The following SMOC1 variants were observed in gnomAD, a reference collection of about 807,000 sequenced individuals.
The protein encoded by SMOC1 is SPARC related modular calcium binding 1, also known as SPARC-related modular calcium-binding protein 1.
SMOC1 carries 22 observed loss-of-function variants against 56.3 expected under a neutral mutation model. The observed-to-expected ratio is 0.39, with a 90% CI of 0.28 to 0.56. The LOEUF is 0.56. Ranked by LOEUF, SMOC1 falls within the 20% of genes least tolerant of loss-of-function variation. The pLI, the probability that SMOC1 is intolerant of heterozygous loss-of-function variation, is 0.61. For missense variants in SMOC1, 509 were observed against 565.4 expected, an observed-to-expected ratio of 0.90 and a Z score of 1.01; for synonymous variants, 193 against 215.0, an observed-to-expected ratio of 0.90 and a Z score of 0.89.
chr14:70,011,398 C>T, intron 8 of SMOC1, 87 bp from the exon 9 acceptor site: 3 of 1,295,548 alleles, frequency 2.3e-6, no homozygotes, highest in Non-Finnish European at 2.2e-6. Flanking sequence ...GGCTTGGTGA[C>T]AACATAGATC....
At chr14:69,994,112 T>G in intron 6 of SMOC1, 1 of 473,232 alleles carries the variant, frequency 2.1e-6, no homozygotes, top group South Asian at 2.3e-5. Flanking sequence ...CCATGTTCCT[T>G]ACCTCCTGGG....
At chr14:69,939,079 G>T (rs188197980) in intron 1 of SMOC1, among the ~76,000 whole-genome samples, 1 of 152,134 alleles carries the variant, frequency 6.6e-6, no homozygotes, top group Admixed American at 6.5e-5. Flanking sequence ...CAAACTCTCC[G>T]TCGGACTCTG....
chr14:70,002,137 A>T (rs12884121), intron 7 of SMOC1, among the ~76,000 whole-genome samples: 3 of 152,066 alleles, frequency 2.0e-5, no homozygotes, highest in African/African-American at 7.2e-5. Context: ...CTGGAGCTGG[A>T]GACAGTTCTT....
chr14:69,882,521 A>G (rs1883671356), intron 1 of SMOC1, among the ~76,000 whole-genome samples: 1 of 152,198 alleles, frequency 6.6e-6, no homozygotes, highest in African/African-American at 2.4e-5. Flanking sequence ...TGTAGGAAGC[A>G]CCTGATTTTG....
intron 1 of SMOC1, among the ~76,000 whole-genome samples, chr14:69,937,922 A>T (rs1882382274): frequency 6.6e-6 from 1 of 152,178 alleles, no homozygotes; most frequent in African/African-American, 2.4e-5. Context: ...TCGATGATAT[A>T]GCAAGACTGG....
At chr14:69,997,966 A>T (rs538727941) in intron 7 of SMOC1, among the ~76,000 whole-genome samples, 17 of 152,170 alleles carry the variant, frequency 1.1e-4, no homozygotes, top group African/African-American at 4.1e-4. Flanking sequence ...AGTTTCTTTT[A>T]CACCCCACAC....
At chr14:69,959,876 C>T (rs1227708834) in intron 3 of SMOC1, among the ~76,000 whole-genome samples, 1 of 152,090 alleles carries the variant, frequency 6.6e-6, no homozygotes, top group Non-Finnish European at 1.5e-5. Flanking sequence ...TTCCTAAAAC[C>T]TAGGGAAATA....
intron 8 of SMOC1, 39 bp downstream of exon 8, chr14:70,010,985 G>C (rs78899069): frequency 0.02 from 31,798 of 1,608,332 alleles, 373 homozygotes; most frequent in Non-Finnish European, 0.024. Flanking sequence ...AAACGCACCT[G>C]CTGGCTGTTA....
At chr14:69,948,515 G>A (rs1032053925) in intron 1 of SMOC1, among the ~76,000 whole-genome samples, 5 of 152,098 alleles carry the variant, frequency 3.3e-5, no homozygotes, top group Admixed American at 3.3e-4. Context: ...AGCTGCTGTG[G>A]CCTCTCTCTC....
chr14:70,016,239 A>G (rs1257716067), intron 10 of SMOC1, among the ~76,000 whole-genome samples: 1 of 152,226 alleles, frequency 6.6e-6, no homozygotes, highest in Non-Finnish European at 1.5e-5. Context: ...AGAAATTTAT[A>G]ACTTTTTAAT....
At chr14:69,939,361 A>G (rs1882463010) in intron 1 of SMOC1, among the ~76,000 whole-genome samples, 1 of 152,214 alleles carries the variant, frequency 6.6e-6, no homozygotes. Context: ...ATTCACTATC[A>G]TGAGAACAGC....
At chr14:69,903,269 G>A (rs1028445724) in intron 1 of SMOC1, among the ~76,000 whole-genome samples, 14 of 150,814 alleles carry the variant, frequency 9.3e-5, no homozygotes, top group Admixed American at 5.9e-4. Flanking sequence ...GCCCAGCCGC[G>A]ACCCCCTCTG....
At chr14:69,947,306 G>A (rs963162075) in intron 1 of SMOC1, among the ~76,000 whole-genome samples, 8 of 151,898 alleles carry the variant, frequency 5.3e-5, no homozygotes, top group Non-Finnish European at 1.2e-4. Flanking sequence ...AGTAACTAGG[G>A]CCATGGGCAT....
intron 3 of SMOC1, 116 bp from the exon 4 acceptor site, chr14:69,975,599 G>T: frequency 1.3e-6 from 1 of 784,252 alleles, no homozygotes; most frequent in Non-Finnish European, 2.3e-6. Context: ...ATGTGGGGAT[G>T]AGAGGTGGAA....
chr14:70,022,657 C>T (rs1478390370), intron 10 of SMOC1, among the ~76,000 whole-genome samples: 3 of 152,246 alleles, frequency 2.0e-5, no homozygotes, highest in Non-Finnish European at 2.9e-5. Flanking sequence ...ATTCAGTTGT[C>T]ATGACTATTT....
intron 5 of SMOC1, among the ~76,000 whole-genome samples, chr14:69,981,535 G>A (rs527565126): frequency 6.0e-4 from 91 of 152,242 alleles, no homozygotes; most frequent in African/African-American, 2.1e-3. Flanking sequence ...TGTTGTGTGT[G>A]TGGGAGAGGG....
At chr14:69,944,069 A>AT (rs1408788474) in intron 1 of SMOC1, among the ~76,000 whole-genome samples, 1 of 152,198 alleles carries the variant, frequency 6.6e-6, no homozygotes, top group Non-Finnish European at 1.5e-5. Flanking sequence ...CAAGCCATAC[A>AT]TATTGATTAA....
chr14:69,942,489 A>G (rs1007981603), intron 1 of SMOC1, among the ~76,000 whole-genome samples: 7 of 152,202 alleles, frequency 4.6e-5, no homozygotes, highest in Non-Finnish European at 8.8e-5. Context: ...GAATTTTAAC[A>G]AATTTATATA....
chr14:70,016,069 G>A (rs1162588127), intron 10 of SMOC1, among the ~76,000 whole-genome samples: 13 of 152,176 alleles, frequency 8.5e-5, no homozygotes, highest in Non-Finnish European at 1.9e-4. Context: ...GTCCTAAGGA[G>A]GCAGGACTTC....
Sources: gnomAD v4.1 joint callset for allele counts (sites outside exome capture counted in the v4.1 genomes callset) on GRCh38, gnomAD v4.1.1 for gene constraint, MANE v1.5 for transcripts, NCBI Gene and HGNC (gene_info 2026-07-23, HGNC 2026-07-21) for gene names.